TMEM80: variants seen among roughly 807,000 people sequenced by gnomAD.
The protein encoded by TMEM80 is transmembrane protein 80.
In TMEM80, 16 loss-of-function variants were observed where a neutral mutation model predicts 13.6. The ratio of observed to expected loss-of-function variants is 1.17; its 90% CI spans 0.79 to 1.78. The LOEUF is 1.78. TMEM80 is among the 40% of genes most tolerant of loss of function. The pLI, the probability that TMEM80 is intolerant of heterozygous loss-of-function variation, is 0.00. For synonymous variants in TMEM80, 92 were observed against 89.5 expected (o/e 1.03, Z -0.16); for missense variants, 167 against 184.6 (o/e 0.90, Z 0.55).
chr11:701,611 A>G (rs10902199), intron 4 of TMEM80, among the ~76,000 whole-genome samples: 133,992 of 151,346 alleles, frequency 0.89, 59,911 homozygotes, highest in East Asian at 0.98. Flanking sequence ...GGGTTTCACC[A>G]TGTTAGCCAG....
Position 700,154 on chromosome 11 carries a change from C to T in TMEM80, c.52C>T (p.Pro18Ser). 1 of 1,614,136 alleles carries T rather than the reference C, an allele frequency of 6.2e-7. No homozygotes were observed. Among genetic ancestry groups the T allele is most frequent in the Non-Finnish European group, 8.5e-7 (1 of 1,179,988 alleles). Residue 18 changes from proline (P) to serine (S), a missense_variant, in exon 3 of 5, where the codon CCC becomes TCC. Pro to Ser is a moderately conservative substitution (Grantham distance 74). Coordinates refer to ENST00000397510, the MANE Select transcript of TMEM80 (RefSeq NM_001042463.3). ...AACCACTCACCAGCTCTCTTCAGTT[C>T]CCCTTCAAATGCTGTTTTATCTCAG... The part of the protein sequence containing the change: ...RGSSTVLSSV[P>S]LQMLFYLSGT...
intron 4 of TMEM80, among the ~76,000 whole-genome samples, chr11:701,654 C>T (rs1861497194): frequency 1.3e-5 from 2 of 152,070 alleles, no homozygotes; most frequent in Admixed American, 1.3e-4. Context: ...CCTGATCCGC[C>T]CACCTCGGCC....
At chr11:698,733 GTA>G (rs1861311146) in intron 1 of TMEM80, 134 bp from the exon 2 acceptor site, 2 of 1,013,896 alleles carry the variant, frequency 2.0e-6, no homozygotes, top group South Asian at 2.6e-5. Flanking sequence ...CAGGCCCACG[GTA>G]TATGTTTGCT....
At chr11:704,822 G>C (rs1181591862), downstream of TMEM80, 11 of 402,484 alleles carry the variant, frequency 2.7e-5, no homozygotes, top group Admixed American at 1.1e-4. Context: ...CCGTTTAGGA[G>C]TGGAGAGGGA....
chr11:701,620 A>AG (rs1861491315), intron 4 of TMEM80, among the ~76,000 whole-genome samples: 1 of 151,860 alleles, frequency 6.6e-6, no homozygotes, highest in African/African-American at 2.4e-5. Flanking sequence ...CATGTTAGCC[A>AG]GGATGGTTTC....
chr11:696,351 C>A (rs1298922931), intron 1 of TMEM80, among the ~76,000 whole-genome samples: 4 of 152,166 alleles, frequency 2.6e-5, no homozygotes, highest in Non-Finnish European at 5.9e-5. Flanking sequence ...CATACGCGGG[C>A]GCTGAAGTGC....
intron 1 of TMEM80, 57 bp from the exon 2 acceptor site, chr11:698,812 C>T: frequency 6.2e-7 from 1 of 1,609,006 alleles, no homozygotes; most frequent in Non-Finnish European, 8.5e-7. Flanking sequence ...TGGAGCGAGA[C>T]CCGGGAAAGC....
In TMEM80 at chr11:700,697, G is replaced by T. The variant is rs778526441; in HGVS notation, c.216G>T (p.Arg72=). ...LFLMGILEAV[R]LYLGTRGNLT... ...TGATGGGGATTCTAGAAGCAGTTCG[G>T]TTATACCTGGGTGAGTGGACTGTTA... The change falls in exon 4 of 5, where the codon CGG becomes CGT. Residue 72 remains arginine (R), a synonymous_variant. Coordinates refer to ENST00000397510, the MANE Select transcript of TMEM80 (RefSeq NM_001042463.3). The T allele has an allele frequency of 6.8e-6, 11 of 1,613,888 alleles. No individual in the cohort carries two copies. The highest frequency in any genetic ancestry group is 8.5e-6 in the Non-Finnish European group (10 of 1,179,936).
At chr11:702,856 TG>T in intron 4 of TMEM80, 88 bp from the exon 5 acceptor site, 1 of 1,303,222 alleles carries the variant, frequency 7.7e-7, no homozygotes, top group Non-Finnish European at 1.1e-6. Context: ...GGAGCTGCTC[TG>T]GTCCCAGCAG....
downstream of TMEM80, chr11:704,492 C>T (rs1394966609): frequency 1.3e-5 from 17 of 1,289,250 alleles, no homozygotes; most frequent in African/African-American, 3.0e-5. Context: ...CACACACCAG[C>T]GCCTGAGCGC....
intron 2 of TMEM80, 83 bp from the exon 3 acceptor site, chr11:700,059 G>A: frequency 8.8e-7 from 1 of 1,140,666 alleles, no homozygotes; most frequent in Non-Finnish European, 1.3e-6. Flanking sequence ...CCAAACAGAT[G>A]ACAGAACCAG....
chr11:701,684 C>T (rs549346407), intron 4 of TMEM80, among the ~76,000 whole-genome samples: 1 of 152,274 alleles, frequency 6.6e-6, no homozygotes, highest in Non-Finnish European at 1.5e-5. Context: ...GCTGGGATTA[C>T]AGGCGTGAGC....
chr11:696,116 C>T (rs981198806), intron 1 of TMEM80, among the ~76,000 whole-genome samples: 2 of 152,140 alleles, frequency 1.3e-5, no homozygotes, highest in African/African-American at 4.8e-5. Context: ...CAGTCCCCGG[C>T]AGCTCTTGTC....
intron 4 of TMEM80, chr11:700,935 T>C: frequency 1.7e-6 from 1 of 584,316 alleles, no homozygotes. Flanking sequence ...AGACTCTGTG[T>C]TTGGAAGCAT....
chr11:696,364 A>T (rs555421072), intron 1 of TMEM80, among the ~76,000 whole-genome samples: 1 of 152,322 alleles, frequency 6.6e-6, no homozygotes, highest in East Asian at 1.9e-4. Flanking sequence ...TGAAGTGCCA[A>T]ACCTTCGTGC....
chr11:701,577 A>G (rs1861483603), intron 4 of TMEM80, among the ~76,000 whole-genome samples: 1 of 151,624 alleles, frequency 6.6e-6, no homozygotes, highest in African/African-American at 2.4e-5. Flanking sequence ...CGCCCGGCTC[A>G]TTTTTGTATT....
chr11:704,189 G>A, downstream of TMEM80: 1 of 1,047,112 alleles, frequency 9.6e-7, no homozygotes, highest in Non-Finnish European at 1.2e-6. Context: ...CTGCAAGAGA[G>A]CACACCCCAC....
chr11:703,021 C>T lies in TMEM80; in HGVS notation c.303C>T (p.Leu101=), dbSNP rs377598603. Residue 101 remains leucine, a synonymous_variant, in exon 5 of 5, where the codon CTC becomes CTT. Coordinates refer to ENST00000397510, the MANE Select transcript of TMEM80 (RefSeq NM_001042463.3). ...CCCTCACGGCTGGCACCGCCCTCCT[C>T]TCTGCCCACTTCCTGCTTTGGCAGG... ...SLALTAGTAL[L]SAHFLLWQAL... 3.1e-6 allele frequency: 5 copies of T among 1,612,564 alleles called. No homozygotes were observed. The African/African-American group carries it at 5.3e-5, about 17-fold the overall frequency.
At chr11:700,526 C>CAA (rs34654075) in intron 3 of TMEM80, 89 bp from the exon 4 acceptor site, 23,000 of 893,834 alleles carry the variant, frequency 0.026, 15 homozygotes, top group Non-Finnish European at 0.03. Flanking sequence ...GACCCTGTCT[C>CAA]AAAAAAAAAA....
Sources: gnomAD v4.1 joint callset for allele counts (sites outside exome capture counted in the v4.1 genomes callset) on GRCh38, gnomAD v4.1.1 for gene constraint, MANE v1.5 for transcripts, NCBI Gene and HGNC (gene_info 2026-07-23, HGNC 2026-07-21) for gene names.